The following CHURC1 variants were observed in gnomAD, a reference collection of about 807,000 sequenced individuals.
CHURC1 encodes churchill domain containing 1.
CHURC1 carries 12 observed loss-of-function variants against 15.4 expected under a neutral mutation model. The ratio of observed to expected loss-of-function variants is 0.78; its 90% CI spans 0.50 to 1.27. The LOEUF is 1.27. Ranked by LOEUF, CHURC1 falls within the 50% of genes most tolerant of loss-of-function variation. The probability of loss-of-function intolerance (pLI) is 0.00; values close to 1 mark genes in which losing one functional copy is unlikely to be tolerated. For synonymous variants in CHURC1, 42 were observed against 47.5 expected (o/e 0.88, Z 0.48); for missense variants, 132 against 137.8 (o/e 0.96, Z 0.21).
At chr14:64,926,436 A>C (rs942429847) in intron 3 of CHURC1, among the ~76,000 whole-genome samples, 2 of 152,216 alleles carry the variant, frequency 1.3e-5, no homozygotes, top group Non-Finnish European at 2.9e-5. Context: ...ATCACAAATC[A>C]AAATGTGTAG....
At chr14:64,926,602 A>T (rs541488572) in intron 3 of CHURC1, among the ~76,000 whole-genome samples, 1 of 152,196 alleles carries the variant, frequency 6.6e-6, no homozygotes. Flanking sequence ...AACTGCCACC[A>T]TACTTGCCCA....
intron 3 of CHURC1, among the ~76,000 whole-genome samples, chr14:64,931,448 C>G (rs1885070414): frequency 6.6e-6 from 1 of 151,972 alleles, no homozygotes; most frequent in Non-Finnish European, 1.5e-5. Flanking sequence ...GTGGGATGAT[C>G]ACTTGAGCAC....
intron 3 of CHURC1, among the ~76,000 whole-genome samples, chr14:64,929,305 T>C (rs1884939341): frequency 6.6e-6 from 1 of 152,198 alleles, no homozygotes; most frequent in Non-Finnish European, 1.5e-5. Flanking sequence ...CAACTAAATC[T>C]TACCTCTTTC....
At chr14:64,925,859 T>C (rs1173160988) in intron 2 of CHURC1, 151 bp from the exon 3 acceptor site, 1 of 450,558 alleles carries the variant, frequency 2.2e-6, no homozygotes, top group African/African-American at 2.0e-5. Context: ...CTTTTAAAAA[T>C]CAAGGTAGAT....
chr14:64,934,630 T>C lies in CHURC1; in HGVS notation c.*2400T>C, dbSNP rs1444373355. 1.0e-5 allele frequency: 10 copies of C among 985,346 alleles called. No individual in the cohort carries two copies. Among genetic ancestry groups the C allele is most frequent in the East Asian group, 1.1e-4 (1 of 8,832 alleles). 61.0% of individuals were successfully genotyped at this position (985,346 alleles called of 1,614,324 possible). A position where few individuals can be genotyped will look rare whatever the true frequency, so the allele number is the denominator to read the frequency against. ...TTTTTCATTTTGCTGCAAATCTATA[T>C]CTGACCTGCTGAGGAAATCGTTTGG... is the stretch of plus-strand genomic sequence containing the variant. On this transcript the variant is annotated 3_prime_UTR_variant, in exon 4 of 4. Coordinates refer to ENST00000549115, the MANE Select transcript of CHURC1 (RefSeq NM_001386928.1).
At chr14:64,930,808 C>G (rs1327207030) in intron 3 of CHURC1, 3 of 454,018 alleles carry the variant, frequency 6.6e-6, no homozygotes, top group Non-Finnish European at 8.8e-6. Flanking sequence ...AGGTTGCCAT[C>G]CAAATAGCAA....
chr14:64,915,227 G>A (rs115749680), intron 1 of CHURC1, among the ~76,000 whole-genome samples: 2,647 of 152,260 alleles, frequency 0.017, 98 homozygotes, highest in African/African-American at 0.061. Flanking sequence ...CAAATTCCTG[G>A]GATCAAGTGA....
chr14:64,926,352 C>A (rs959860979), intron 3 of CHURC1, among the ~76,000 whole-genome samples: 1 of 151,838 alleles, frequency 6.6e-6, no homozygotes, highest in Admixed American at 6.6e-5. Flanking sequence ...AGCCCCATGC[C>A]TTTCTTATAT....
In CHURC1 at chr14:64,932,190, T is replaced by C; in HGVS notation, c.299T>C (p.Ile100Thr). 1 of 1,614,078 alleles carries C rather than the reference T, an allele frequency of 6.2e-7. No individual in the cohort carries two copies. The highest frequency in any genetic ancestry group is 1.3e-5 in the African/African-American group (1 of 75,072). Residue 100 changes from isoleucine to threonine, a missense_variant, in exon 4 of 4, where the codon ATT becomes ACT. Physicochemically the swap from Ile to Thr is moderately conservative, Grantham distance 89 (BLOSUM62 -1). Transcript: ENST00000549115. ...GGCAAAGCCGAAGATACTATCAGTA[T>C]TCTCCCTGATGACCCCCGACAAATG... ...LCGKAEDTISILPDDPRQMTL... is the reference protein window; with the variant it reads ...LCGKAEDTISTLPDDPRQMTL...
Position 64,914,477 on chromosome 14 carries a change from C to G in CHURC1, c.-19C>G. On this transcript the variant is annotated 5_prime_UTR_variant, in exon 1 of 4. Transcript: ENST00000549115. ...CTTCCCGGAAGCGTTGGAGGACATT[C>G]CCTGTTGACTGCGTCGCGATGTGTG... is the stretch of plus-strand genomic sequence containing the variant. 6.2e-7 allele frequency: 1 copy of G among 1,614,280 alleles called. No individual in the cohort carries two copies. The highest frequency in any genetic ancestry group is 1.1e-5 in the South Asian group (1 of 91,090).
rs10146885 is a variant in CHURC1 at position 64,935,101 on chromosome 14, A to G, written c.*2871A>G. The G allele has an allele frequency of 0.21, 98,110 of 478,206 alleles. 11,523 individuals are homozygous for G. The highest frequency in any genetic ancestry group is 0.4 in the African/African-American group (18,795 of 46,750). The allele number at this position is 478,206 out of a possible 1,614,324, so 29.6% of individuals were successfully genotyped here. On this transcript the variant is annotated 3_prime_UTR_variant, in exon 4 of 4. Coordinates refer to ENST00000549115, the MANE Select transcript of CHURC1 (RefSeq NM_001386928.1). The stretch of plus-strand genomic sequence containing the variant: ...TCGCAAGGACAAAAAACCAAACACC[A>G]CATGTTCTCACTCATAGATAGGAAT...
chr14:64,933,964 T>A lies in CHURC1; in HGVS notation c.*1734T>A. On this transcript the variant is annotated 3_prime_UTR_variant, in exon 4 of 4. Transcript: ENST00000549115. Reference sequence around the variant, plus strand: ...CCATAACCAGATATGGCTTGTTATTTGTAAGTTATCATGAAAAGGTTTATA... The same window carrying A: ...CCATAACCAGATATGGCTTGTTATTAGTAAGTTATCATGAAAAGGTTTATA... The A allele has an allele frequency of 3.0e-6, 3 of 985,446 alleles. No individual in the cohort carries two copies. The highest frequency in any genetic ancestry group is 3.6e-6 in the Non-Finnish European group (3 of 829,928). 61.0% of individuals were successfully genotyped at this position (985,446 alleles called of 1,614,324 possible). A position where few individuals can be genotyped will look rare whatever the true frequency, so the allele number is the denominator to read the frequency against.
rs761961724 is a variant in CHURC1, at chr14:64,918,560, G to T, written c.39+4026G>T. ...AGAAGATGGTGGGCCGGGCCTAGTG[G>T]CTCACACGTGTAATCCTAACACTTT... On this transcript the variant is annotated intron_variant, in intron 1 of 3. Transcript: ENST00000549115. Among the ~76,000 whole-genome samples the T allele has an allele frequency of 1.3e-3, 196 of 152,184 alleles. 6 individuals are homozygous for T. Among genetic ancestry groups the T allele is most frequent in the Non-Finnish European group, 2.4e-4 (16 of 68,034 alleles).
chr14:64,917,740 A>T (rs961938819), intron 1 of CHURC1, among the ~76,000 whole-genome samples: 1 of 152,234 alleles, frequency 6.6e-6, no homozygotes, highest in Non-Finnish European at 1.5e-5. Context: ...AAAAGAATTA[A>T]CAAGATTCAA....
chr14:64,916,267 C>T (rs1883873091), intron 1 of CHURC1, among the ~76,000 whole-genome samples: 1 of 152,152 alleles, frequency 6.6e-6, no homozygotes, highest in Non-Finnish European at 1.5e-5. Context: ...TATACAATTA[C>T]TGTTAAGTCG....
At chr14:64,914,799 C>T (rs1009732599) in intron 1 of CHURC1, among the ~76,000 whole-genome samples, 1 of 152,220 alleles carries the variant, frequency 6.6e-6, no homozygotes, top group African/African-American at 2.4e-5. Context: ...ACCACAACCC[C>T]CGTCGACAAC....
chr14:64,918,716 C>G (rs1358688002), intron 1 of CHURC1, among the ~76,000 whole-genome samples: 1 of 152,096 alleles, frequency 6.6e-6, no homozygotes, highest in Admixed American at 6.5e-5. Context: ...TATAGTTCCA[C>G]CTACTTGGGA....
rs1885239000 is a variant in CHURC1 at position 64,934,545 on chromosome 14, A to G, written c.*2315A>G. 1.0e-6 allele frequency: 1 copy of G among 985,434 alleles called. No homozygotes were observed. Among genetic ancestry groups the G allele is most frequent in the African/African-American group, 1.7e-5 (1 of 57,362 alleles). The allele number at this position is 985,434 out of a possible 1,614,324, so 61.0% of individuals were successfully genotyped here. A position where few individuals can be genotyped will look rare whatever the true frequency, so the allele number is the denominator to read the frequency against. On this transcript the variant is annotated 3_prime_UTR_variant, in exon 4 of 4. Transcript: ENST00000549115. ...ATCTGGGCATGTCAGATGAAGATTTATTATTCAGAAAAGTTAAGTCAGCTG... is the reference window on the plus strand; with the variant it reads ...ATCTGGGCATGTCAGATGAAGATTTGTTATTCAGAAAAGTTAAGTCAGCTG...
Position 64,933,442 on chromosome 14 carries a change from G to T in CHURC1, c.*1212G>T, listed in dbSNP as rs72728205. Reference sequence around the variant, plus strand: ...TAGTTTCATGAGCACTGGCCAGGAGGTTATAAACTGGCATTTAGGCCTCTC... The same window carrying T: ...TAGTTTCATGAGCACTGGCCAGGAGTTTATAAACTGGCATTTAGGCCTCTC... On this transcript the variant is annotated 3_prime_UTR_variant, in exon 4 of 4. Transcript: ENST00000549115. 22,835 of 985,412 alleles carry T rather than the reference G, an allele frequency of 0.023. 427 individuals carry two copies. The highest frequency in any genetic ancestry group is 0.12 in the South Asian group (2,471 of 21,286). 61.0% of individuals were successfully genotyped at this position (985,412 alleles called of 1,614,324 possible). A position where few individuals can be genotyped will look rare whatever the true frequency, so the allele number is the denominator to read the frequency against.
Sources: allele counts gnomAD v4.1 joint callset (sites outside exome capture counted in the v4.1 genomes callset), GRCh38; gene constraint gnomAD v4.1.1; transcripts MANE v1.5; gene names NCBI Gene and HGNC (gene_info 2026-07-23, HGNC 2026-07-21).